BICD1: variants seen among roughly 807,000 people sequenced by gnomAD.
BICD1 encodes the protein BICD cargo adaptor 1.
In BICD1, 35 loss-of-function variants were observed where a neutral mutation model predicts 92.5. That is an observed-to-expected ratio of 0.38 (90% confidence interval 0.29 to 0.50). The LOEUF is 0.50. Among genes scored for constraint, BICD1 ranks in the 20% least tolerant of loss-of-function variants. The probability of loss-of-function intolerance (pLI) is 0.93; values close to 1 mark genes in which losing one functional copy is unlikely to be tolerated. For synonymous variants in BICD1, 429 were observed against 465.1 expected (o/e 0.92, Z 1.00); for missense variants, 950 against 1,189.8 (o/e 0.80, Z 2.97).
intron 2 of BICD1, among the ~76,000 whole-genome samples, chr12:32,263,856 GC>G (rs1392796696): frequency 9.2e-5 from 14 of 152,176 alleles, no homozygotes; most frequent in Admixed American, 7.9e-4. Flanking sequence ...TTTAAGTCTT[GC>G]TGTCTAGCAG....
chr12:32,163,335 T>C (rs1439522158), intron 1 of BICD1, among the ~76,000 whole-genome samples: 1 of 152,170 alleles, frequency 6.6e-6, no homozygotes, highest in African/African-American at 2.4e-5. Context: ...ATTTGAATGA[T>C]ATAAATTCTT....
rs184578761 is a variant in BICD1, at chr12:32,285,264, A to G, written c.427-8730A>G. On this transcript the variant is annotated intron_variant, in intron 2 of 9. Coordinates refer to ENST00000652176, the MANE Select transcript of BICD1 (RefSeq NM_001714.4). ...CGTGTGAACTTCTGCTCGTGTTACC[A>G]TAAATTATCTGTATGTCTAGCATCC... Among the ~76,000 whole-genome samples, 66 of 152,240 alleles carry G rather than the reference A, an allele frequency of 4.3e-4. 1 individual carries two copies. The East Asian group carries it at 0.012, about 27-fold the overall frequency.
intron 1 of BICD1, among the ~76,000 whole-genome samples, chr12:32,162,497 C>T (rs189168553): frequency 9.9e-5 from 15 of 152,224 alleles, no homozygotes; most frequent in Admixed American, 9.2e-4. Flanking sequence ...AATCCATTTC[C>T]ATATCTATAA....
At chr12:32,244,575 T>C (rs1565613822) in intron 2 of BICD1, among the ~76,000 whole-genome samples, 3 of 152,056 alleles carry the variant, frequency 2.0e-5, no homozygotes, top group Non-Finnish European at 4.4e-5. Flanking sequence ...AAATTACATG[T>C]AATCCATAAA....
At chr12:32,275,474 G>A (rs908016394) in intron 2 of BICD1, among the ~76,000 whole-genome samples, 1 of 152,176 alleles carries the variant, frequency 6.6e-6, no homozygotes, top group Admixed American at 6.5e-5. Context: ...CATATGATGA[G>A]TTAGAGTCAT....
intron 2 of BICD1, among the ~76,000 whole-genome samples, chr12:32,278,373 C>T (rs1400982873): frequency 6.6e-6 from 1 of 152,128 alleles, no homozygotes; most frequent in African/African-American, 2.4e-5. Context: ...AGAGAAAGAA[C>T]AGTCAAGCTA....
intron 8 of BICD1, among the ~76,000 whole-genome samples, chr12:32,354,578 G>A (rs1056864670): frequency 6.6e-6 from 1 of 152,168 alleles, no homozygotes; most frequent in Non-Finnish European, 1.5e-5. Flanking sequence ...TAAATTAGCA[G>A]ATTTCACCCG....
In BICD1 at chr12:32,156,695, G is replaced by T. The variant is rs75065022; in HGVS notation, c.213+49151G>T. ...GCTGTCAAGTTTACATTTTGAAATA[G>T]TGCCATGATGGCATCCCTATGCTTG... On this transcript the variant is annotated intron_variant, in intron 1 of 9. Transcript: ENST00000652176. Among the ~76,000 whole-genome samples, 1,411 of 152,298 alleles carry T rather than the reference G, an allele frequency of 9.3e-3. 22 individuals carry two copies. The highest frequency in any genetic ancestry group is 0.032 in the African/African-American group (1,319 of 41,562).
chr12:32,121,328 C>T (rs1427107972), intron 1 of BICD1, among the ~76,000 whole-genome samples: 4 of 151,884 alleles, frequency 2.6e-5, no homozygotes, highest in Non-Finnish European at 4.4e-5. Flanking sequence ...AATGGTGGCT[C>T]ATGCCTGTAA....
rs777118439 is a variant in BICD1, at chr12:32,107,350, T to C, written c.19T>C (p.Leu7=). 1.2e-6 allele frequency: 2 copies of C among 1,606,316 alleles called. No individual in the cohort carries two copies. Among genetic ancestry groups the C allele is most frequent in the South Asian group, 2.2e-5 (2 of 89,114 alleles). Residue 7 remains leucine (L), a synonymous_variant, in exon 1 of 10, where the codon TTG becomes CTG. Coordinates refer to ENST00000652176, the MANE Select transcript of BICD1 (RefSeq NM_001714.4). ...CGGGGCTATGGCCGCAGAAGAGGTA[T>C]TGCAGACGGTGGACCATTATAAGAC... MAAEEV[L]QTVDHYKTEI...
intron 2 of BICD1, among the ~76,000 whole-genome samples, chr12:32,234,956 A>C (rs569053045): frequency 6.6e-6 from 1 of 152,288 alleles, no homozygotes; most frequent in South Asian, 2.1e-4. Flanking sequence ...AAGTGCTGGG[A>C]TTACAGGTGT....
intron 1 of BICD1, chr12:32,108,759 CA>C (rs1565519027): frequency 1.6e-6 from 1 of 627,996 alleles, no homozygotes; most frequent in Non-Finnish European, 2.9e-6. Flanking sequence ...GCCTGTCTAC[CA>C]AAAAATAAAT....
intron 1 of BICD1, among the ~76,000 whole-genome samples, chr12:32,130,682 A>C (rs1942511994): frequency 6.6e-6 from 1 of 152,114 alleles, no homozygotes; most frequent in Non-Finnish European, 1.5e-5. Context: ...CACTCGTTAG[A>C]GAGAAGCACT....
Position 32,319,879 on chromosome 12 carries a change from C to T in BICD1, c.1006-7582C>T, listed in dbSNP as rs534304779. Among the ~76,000 whole-genome samples, 15 of 152,270 alleles carry T rather than the reference C, an allele frequency of 9.9e-5. No individual in the cohort carries two copies. The South Asian group carries it at 3.1e-3, about 32-fold the overall frequency. Reference sequence around the variant, plus strand: ...TTTGGTATCAGAGTAATACTGGTCTCATAAGAGTTGGGAAGGGCCCCTCTC... The same window carrying T: ...TTTGGTATCAGAGTAATACTGGTCTTATAAGAGTTGGGAAGGGCCCCTCTC... On this transcript the variant is annotated intron_variant, in intron 4 of 9. Coordinates refer to ENST00000652176, the MANE Select transcript of BICD1 (RefSeq NM_001714.4).
intron 2 of BICD1, among the ~76,000 whole-genome samples, chr12:32,225,775 C>T (rs185894867): frequency 6.6e-6 from 1 of 151,816 alleles, no homozygotes; most frequent in South Asian, 2.1e-4. Context: ...CACCTACAAC[C>T]ACACCCGGCT....
At chr12:32,211,555 A>G (rs1291500880) in intron 1 of BICD1, among the ~76,000 whole-genome samples, 1 of 152,194 alleles carries the variant, frequency 6.6e-6, no homozygotes, top group Non-Finnish European at 1.5e-5. Context: ...GGGTTGTTTT[A>G]GCTGCCAAGA....
intron 2 of BICD1, among the ~76,000 whole-genome samples, chr12:32,245,085 T>G (rs892545605): frequency 6.6e-6 from 1 of 152,152 alleles, no homozygotes; most frequent in African/African-American, 2.4e-5. Flanking sequence ...CAAGCCTCAG[T>G]TTTTTCATCT....
chr12:32,162,697 T>C (rs1466795622), intron 1 of BICD1, among the ~76,000 whole-genome samples: 2 of 152,166 alleles, frequency 1.3e-5, no homozygotes, highest in African/African-American at 4.8e-5. Flanking sequence ...AAATTAAAAT[T>C]TGAGGTTGGG....
chr12:32,305,039 A>AACC (rs1565656467), intron 3 of BICD1, among the ~76,000 whole-genome samples: 2 of 129,808 alleles, frequency 1.5e-5, no homozygotes, highest in African/African-American at 6.5e-5. Context: ...ACCAACCAAC[A>AACC]AACAAACAAA....
Sources: allele counts gnomAD v4.1 joint callset (sites outside exome capture counted in the v4.1 genomes callset), GRCh38; gene constraint gnomAD v4.1.1; transcripts MANE v1.5; gene names NCBI Gene and HGNC (gene_info 2026-07-23, HGNC 2026-07-21).